The following OSBPL10 variants were observed in gnomAD, a reference collection of about 807,000 sequenced individuals.
OSBPL10 encodes oxysterol binding protein like 10, also known as oxysterol-binding protein-related protein 10.
In OSBPL10, 49 loss-of-function variants were observed where a neutral mutation model predicts 81.7. That is an observed-to-expected ratio of 0.60 (90% CI 0.48 to 0.76). OSBPL10 has a LOEUF of 0.76. Ranked by LOEUF, OSBPL10 falls within the 30% of genes least tolerant of loss-of-function variation. The probability of loss-of-function intolerance (pLI) is 0.00; values close to 1 mark genes in which losing one functional copy is unlikely to be tolerated. For synonymous variants in OSBPL10, 419 were observed against 383.6 expected (o/e 1.09, Z -1.08); for missense variants, 923 against 987.8 (o/e 0.93, Z 0.88).
intron 4 of OSBPL10, among the ~76,000 whole-genome samples, chr3:31,784,339 G>T (rs748690557): frequency 3.3e-5 from 5 of 151,474 alleles, no homozygotes; most frequent in Non-Finnish European, 7.4e-5. Context: ...CTCCAGCCTG[G>T]GTGACAGAGA....
chr3:31,815,936 C>T (rs919439390), intron 4 of OSBPL10, among the ~76,000 whole-genome samples: 7 of 152,306 alleles, frequency 4.6e-5, no homozygotes, highest in African/African-American at 1.7e-4. Flanking sequence ...GGCAGAACAG[C>T]CTTTCATGTC....
At chr3:31,722,694 G>A (rs781202456) in intron 6 of OSBPL10, among the ~76,000 whole-genome samples, 11 of 152,046 alleles carry the variant, frequency 7.2e-5, no homozygotes, top group Non-Finnish European at 1.6e-4. Context: ...TTACAAGCTG[G>A]CTCTGCATTT....
At chr3:31,905,381 G>A (rs75540869) in intron 1 of OSBPL10, among the ~76,000 whole-genome samples, 2,067 of 89,678 alleles carry the variant, frequency 0.023, 26 homozygotes, top group Non-Finnish European at 0.033. Context: ...ACGGACTCCC[G>A]TTCTGTCACC....
intron 4 of OSBPL10, among the ~76,000 whole-genome samples, chr3:31,810,640 G>A (rs934624862): frequency 8.5e-5 from 13 of 152,140 alleles, no homozygotes; most frequent in Non-Finnish European, 1.8e-4. Context: ...CAAAAAACAT[G>A]AACAGTTTTC....
intron 1 of OSBPL10, among the ~76,000 whole-genome samples, chr3:32,070,461 G>A (rs1299700473): frequency 2.0e-5 from 3 of 151,900 alleles, no homozygotes; most frequent in East Asian, 1.9e-4. Flanking sequence ...AGCCTCCTTC[G>A]TGTCTTCCTC....
At chr3:31,852,085 G>A (rs553066103) in intron 3 of OSBPL10, among the ~76,000 whole-genome samples, 77 of 152,312 alleles carry the variant, frequency 5.1e-4, no homozygotes, top group Non-Finnish European at 9.1e-4. Flanking sequence ...CTGAACATAT[G>A]GGGATGACCT....
chr3:32,014,378 T>C (rs1209244773), intron 2 of OSBPL10, among the ~76,000 whole-genome samples: 1 of 152,200 alleles, frequency 6.6e-6, no homozygotes, highest in Non-Finnish European at 1.5e-5. Context: ...AGAAAAGGCC[T>C]TTGACAAAAT....
chr3:32,037,481 T>C (rs1699531696), intron 2 of OSBPL10: 2 of 178,620 alleles, frequency 1.1e-5, no homozygotes, highest in Non-Finnish European at 2.3e-5. Context: ...AAGACCCCCA[T>C]TTCTAAAAAA....
chr3:32,044,760 A>T (rs1439547623), intron 2 of OSBPL10, among the ~76,000 whole-genome samples: 1 of 151,632 alleles, frequency 6.6e-6, no homozygotes, highest in Non-Finnish European at 1.5e-5. Flanking sequence ...AAAAAAAAAA[A>T]AAAAGATTCT....
intron 2 of OSBPL10, among the ~76,000 whole-genome samples, chr3:32,028,111 C>A (rs1379755066): frequency 6.6e-6 from 1 of 152,152 alleles, no homozygotes. Context: ...ATCTTTCAAC[C>A]CCCATCTCAG....
chr3:31,990,669 A>T (rs1484932232), intron 2 of OSBPL10: 9 of 1,614,208 alleles, frequency 5.6e-6, no homozygotes, highest in Non-Finnish European at 7.6e-6. Context: ...GTCATCATAG[A>T]CTTCATACTG....
intron 1 of OSBPL10, among the ~76,000 whole-genome samples, chr3:31,975,281 AG>A (rs375548035): frequency 5.6e-4 from 86 of 152,306 alleles, no homozygotes; most frequent in African/African-American, 1.9e-3. Flanking sequence ...CAGACTACAC[AG>A]GAAGATATGC....
intron 3 of OSBPL10, among the ~76,000 whole-genome samples, chr3:31,843,810 G>A (rs754707942): frequency 2.6e-5 from 4 of 152,114 alleles, no homozygotes; most frequent in Non-Finnish European, 4.4e-5. Flanking sequence ...ATAAGTTCAC[G>A]ATTGGGTATC....
chr3:31,709,690 C>G (rs891615024), intron 6 of OSBPL10, among the ~76,000 whole-genome samples: 1 of 152,122 alleles, frequency 6.6e-6, no homozygotes, highest in Admixed American at 6.5e-5. Flanking sequence ...TGCAGCTGAG[C>G]TTTTGGAGCG....
At chr3:31,717,909 G>C (rs1221359166) in intron 6 of OSBPL10, among the ~76,000 whole-genome samples, 3 of 152,138 alleles carry the variant, frequency 2.0e-5, no homozygotes, top group Non-Finnish European at 4.4e-5. Flanking sequence ...ACTTCCAGGG[G>C]AAATTTGTGA....
chr3:32,053,800 C>T (rs1489358550), intron 1 of OSBPL10, among the ~76,000 whole-genome samples: 1 of 151,956 alleles, frequency 6.6e-6, no homozygotes, highest in Non-Finnish European at 1.5e-5. Context: ...ATGGTGAAAC[C>T]CTATCTCTAC....
In OSBPL10 at chr3:31,999,843, G is replaced by A. The variant is rs538645068; in HGVS notation, n.298+46648C>T. ...CTGAAACTCTCTAAACTTTCAGTCA[G>A]AGTAATTTTACTGCTGTCACAAAAC... On this transcript the variant is annotated intron_variant and non_coding_transcript_variant, in intron 2 of 3. Transcript: ENST00000479173. 9.2e-5 allele frequency among the ~76,000 whole-genome samples: 14 copies of A among 152,244 alleles called. No homozygotes were observed. In the South Asian group the frequency reaches 2.7e-3, roughly 29 times the overall value.
rs189900138 is a variant in OSBPL10 at position 31,943,077 on chromosome 3, A to G, written c.281+37822T>C. 5.7e-3 allele frequency among the ~76,000 whole-genome samples: 875 copies of G among 152,316 alleles called. 6 individuals are homozygous for G. The highest frequency in any genetic ancestry group is 0.02 in the African/African-American group (819 of 41,582). ...TCCTCTATGAATCTGGCTAGTATTG[A>G]TATTTCATACAATGGGAAGCATACA... On this transcript the variant is annotated intron_variant, in intron 1 of 11. Transcript: ENST00000396556.
chr3:31,898,619 A>C (rs1696134354), intron 1 of OSBPL10, among the ~76,000 whole-genome samples: 2 of 151,886 alleles, frequency 1.3e-5, no homozygotes, highest in Admixed American at 6.6e-5. Flanking sequence ...ATAAGAATGA[A>C]ATAAATATCT....
Sources: allele counts gnomAD v4.1 joint callset (sites outside exome capture counted in the v4.1 genomes callset), GRCh38; gene constraint gnomAD v4.1.1; transcripts MANE v1.5; gene names NCBI Gene and HGNC (gene_info 2026-07-23, HGNC 2026-07-21).